Variants in OCRL observed in about 807,000 individuals in gnomAD.
OCRL encodes the protein inositol polyphosphate 5-phosphatase OCRL.
A neutral mutation model predicts 78.9 loss-of-function variants in OCRL; 8 were observed. The observed-to-expected ratio is 0.10, with a 90% CI of 0.06 to 0.18. The LOEUF (loss-of-function observed/expected upper bound fraction) is 0.18, where lower values mean the gene tolerates loss of function less well. OCRL is among the 10% of genes least tolerant of loss of function. The pLI is 1.00. For missense variants in OCRL, 454 were observed against 696.7 expected (o/e 0.65, Z 3.92); for synonymous variants, 240 against 235.4 (o/e 1.02, Z -0.18).
At chrX:129,546,398 A>C (rs1935879087) in intron 3 of OCRL, among the ~76,000 whole-genome samples, 1 of 112,594 alleles carries the variant, frequency 8.9e-6, no homozygotes, top group African/African-American at 3.2e-5. Context: ...TATGATGAAC[A>C]TCTCTGCACC....
intron 20 of OCRL, 36 bp downstream of exon 20, chrX:129,587,154 G>A: frequency 1.1e-6 from 1 of 872,186 alleles, no homozygotes; most frequent in Non-Finnish European, 1.7e-6. Context: ...AACTTTGGAA[G>A]GTGTGTAACT....
chrX:129,581,830 T>TC (rs1936444272), intron 18 of OCRL, among the ~76,000 whole-genome samples: 13 of 90,479 alleles, frequency 1.4e-4, no homozygotes, highest in African/African-American at 5.6e-4. Flanking sequence ...TCCCTTTGTC[T>TC]TTCTCTCTCT....
At chrX:129,563,803 C>T (rs962722464) in intron 12 of OCRL, among the ~76,000 whole-genome samples, 1 of 110,920 alleles carries the variant, frequency 9.0e-6, no homozygotes, top group South Asian at 3.9e-4. Context: ...CCATTCAGGA[C>T]ATAGGCATGG....
intron 16 of OCRL, 68 bp downstream of exon 16, chrX:129,575,318 A>T: frequency 2.8e-6 from 2 of 723,247 alleles, no homozygotes; most frequent in Middle Eastern, 3.0e-4. Flanking sequence ...ACTGCTACTT[A>T]GAAAAGGCTA....
chrX:129,579,229 C>T (rs924113235), intron 18 of OCRL, among the ~76,000 whole-genome samples: 7 of 111,561 alleles, frequency 6.3e-5, no homozygotes, highest in Admixed American at 2.9e-4. Context: ...GAGCAGTAAA[C>T]AAGAAATCTA....
At chrX:129,581,964 A>G (rs112580667) in intron 18 of OCRL, among the ~76,000 whole-genome samples, 2,834 of 104,935 alleles carry the variant, frequency 0.027, 104 homozygotes, top group African/African-American at 0.093. Flanking sequence ...GCTTAAAGGT[A>G]GTCAGTGGCT....
intron 4 of OCRL, among the ~76,000 whole-genome samples, chrX:129,554,023 A>C (rs1040446075): frequency 1.8e-5 from 2 of 110,413 alleles, no homozygotes; most frequent in African/African-American, 6.6e-5. Context: ...CAGAGAGGCA[A>C]GGCAGTTCTG....
At position 129,540,431 on chromosome X, in the gene OCRL, G is replaced by T; in HGVS notation, c.-9G>T. The T allele has an allele frequency of 8.7e-7, 1 of 1,155,062 alleles. No homozygotes were observed. ...GTCCGCTGTCCTGCTGAGCCCGGAG[G>T]CCGCCTGGATGGAGCCGCCGCTCCC... On this transcript the variant is annotated 5_prime_UTR_variant, in exon 1 of 24. Transcript: ENST00000371113.
chrX:129,564,006 A>G (rs1936179373), intron 12 of OCRL, among the ~76,000 whole-genome samples: 1 of 108,833 alleles, frequency 9.2e-6, no homozygotes, highest in Non-Finnish European at 1.9e-5. Context: ...AGAATCTACA[A>G]TGAACTCAAA....
chrX:129,558,784 G>A (rs778230329), intron 7 of OCRL, 31 bp downstream of exon 7: 1 of 1,211,647 alleles, frequency 8.3e-7, no homozygotes, highest in Non-Finnish European at 1.1e-6. Flanking sequence ...TATTTGCCTT[G>A]TAGGAGAATT....
At chrX:129,545,980 C>G (rs2124389099) in intron 3 of OCRL, among the ~76,000 whole-genome samples, 1 of 111,694 alleles carries the variant, frequency 9.0e-6, no homozygotes, top group South Asian at 3.8e-4. Flanking sequence ...TCCAAAAGTG[C>G]TGGGATTACA....
In OCRL at chrX:129,559,000, A is replaced by C; in HGVS notation, c.721A>C (p.Arg241=). The change falls in exon 8 of 24, where the codon AGA becomes CGA. Residue 241 remains arginine, a splice_region_variant and synonymous_variant. Transcript: ENST00000371113. ...AGAATATGTCAACATTCAGACTTTC[A>C]GGTTAGTGTCTCTTTTGCTTCCTGA... is the stretch of plus-strand genomic sequence containing the variant. ...EKEYVNIQTF[R]FFVGTWNVNG... 2 of 1,209,255 alleles carry C rather than the reference A, an allele frequency of 1.7e-6. No homozygotes were observed. The highest frequency in any genetic ancestry group is 2.2e-6 in the Non-Finnish European group (2 of 893,627).
Position 129,562,639 on chromosome X carries a change from A to C in OCRL, c.1097A>C (p.Asn366Thr). ...GTAGCTGTGAGATTTGTATTTCACAACACCACCTTTTGCATTGTCAATTCC... is the reference window on the plus strand; with the variant it reads ...GTAGCTGTGAGATTTGTATTTCACACCACCACCTTTTGCATTGTCAATTCC... ...GGVAVRFVFH[N>T]TTFCIVNSHL... The change falls in exon 12 of 24, where the codon AAC becomes ACC. Residue 366 changes from asparagine (N) to threonine (T), a missense_variant. By Grantham distance (65) the Asn-to-Thr change is moderately conservative. Coordinates refer to ENST00000371113, the MANE Select transcript of OCRL (RefSeq NM_000276.4). The C allele has an allele frequency of 8.3e-7, 1 of 1,211,673 alleles. No homozygotes were observed. The highest frequency in any genetic ancestry group is 1.1e-6 in the Non-Finnish European group (1 of 895,277).
chrX:129,553,976 A>G (rs1230464177), intron 4 of OCRL, among the ~76,000 whole-genome samples: 2 of 110,275 alleles, frequency 1.8e-5, no homozygotes, highest in Non-Finnish European at 3.8e-5. Flanking sequence ...TGGATTTCTG[A>G]GGGTTGGTAT....
intron 18 of OCRL, among the ~76,000 whole-genome samples, chrX:129,576,816 TATA>T (rs1002701684): frequency 5.4e-5 from 6 of 111,916 alleles, no homozygotes; most frequent in African/African-American, 2.0e-4. Context: ...CTCTCAAAGA[TATA>T]ATGCTTGTTT....
At chrX:129,588,040 T>A in intron 20 of OCRL, 139 bp from the exon 21 acceptor site, 1 of 515,943 alleles carries the variant, frequency 1.9e-6, no homozygotes, top group Non-Finnish European at 3.5e-6. Flanking sequence ...ATGTGTTATT[T>A]TCACACCTCC....
At chrX:129,571,366 T>G (rs967767167) in intron 15 of OCRL, among the ~76,000 whole-genome samples, 10 of 100,772 alleles carry the variant, frequency 9.9e-5, no homozygotes, top group South Asian at 4.7e-4. Flanking sequence ...TTTTTTGGTT[T>G]TTTTTTTTTT....
intron 18 of OCRL, among the ~76,000 whole-genome samples, chrX:129,579,028 T>G (rs1602806148): frequency 1.8e-5 from 2 of 111,574 alleles, no homozygotes. Context: ...GTGTTTCAGA[T>G]TTCAATCTTT....
chrX:129,547,352 C>T (rs753770017), intron 3 of OCRL, among the ~76,000 whole-genome samples: 35 of 108,866 alleles, frequency 3.2e-4, no homozygotes, highest in African/African-American at 1.1e-3. Context: ...GATGAAACCC[C>T]GTCTCTACTA....
Sources: allele counts gnomAD v4.1 joint callset (sites outside exome capture counted in the v4.1 genomes callset), GRCh38; gene constraint gnomAD v4.1.1; transcripts MANE v1.5; gene names NCBI Gene and HGNC (gene_info 2026-07-23, HGNC 2026-07-21).